DPP6: variants seen among roughly 807,000 people sequenced by gnomAD.
The protein encoded by DPP6 is A-type potassium channel modulatory protein DPP6.
DPP6 carries 69 observed loss-of-function variants against 122.6 expected under a neutral mutation model. That is an observed-to-expected ratio of 0.56 (90% CI 0.46 to 0.69). The LOEUF (loss-of-function observed/expected upper bound fraction) is 0.69. Ranked by LOEUF, DPP6 falls within the 30% of genes least tolerant of loss-of-function variation. The pLI, the probability that DPP6 is intolerant of heterozygous loss-of-function variation, is 0.00. For missense variants in DPP6, 928 were observed against 1,116.9 expected, an observed-to-expected ratio of 0.83 and a Z score of 2.41; for synonymous variants, 418 against 433.1, an observed-to-expected ratio of 0.97 and a Z score of 0.43.
chr7:154,213,020 C>G (rs1799819760), intron 1 of DPP6, among the ~76,000 whole-genome samples: 1 of 152,200 alleles, frequency 6.6e-6, no homozygotes, highest in Admixed American at 6.5e-5. Context: ...GGCAGGGAAA[C>G]AGACAAAGAC....
At chr7:154,020,994 A>T (rs1000697938) in intron 1 of DPP6, among the ~76,000 whole-genome samples, 3 of 152,130 alleles carry the variant, frequency 2.0e-5, no homozygotes, top group African/African-American at 7.2e-5. Flanking sequence ...GTCCACATGG[A>T]TGATGATGGG....
chr7:153,958,354 C>T (rs1795164022), intron 1 of DPP6, among the ~76,000 whole-genome samples: 1 of 152,090 alleles, frequency 6.6e-6, no homozygotes, highest in Admixed American at 6.5e-5. Context: ...TCATTCCCTC[C>T]ACCCGAGCAG....
At chr7:154,146,687 A>G (rs539694992) in intron 1 of DPP6, among the ~76,000 whole-genome samples, 2 of 152,280 alleles carry the variant, frequency 1.3e-5, no homozygotes, top group Non-Finnish European at 2.9e-5. Context: ...TGCATTATTC[A>G]TATAAATATG....
At chr7:154,053,235 C>CT (rs1554443426) in intron 1 of DPP6, among the ~76,000 whole-genome samples, 172 bp downstream of exon 1, 6 of 66 alleles carry the variant, frequency 0.091, no homozygotes, top group African/African-American at 0.21. Context: ...GCGGTCACCG[C>CT]GTCCCGGAGG....
intron 1 of DPP6, among the ~76,000 whole-genome samples, chr7:154,212,696 T>C (rs1229786879): frequency 6.6e-6 from 1 of 152,228 alleles, no homozygotes; most frequent in Non-Finnish European, 1.5e-5. Flanking sequence ...AAACCATCAA[T>C]TGTTGAGGAC....
At chr7:154,868,175 T>G in intron 18 of DPP6, 82 bp downstream of exon 18, 1 of 1,513,214 alleles carries the variant, frequency 6.6e-7, no homozygotes, top group South Asian at 1.3e-5. Flanking sequence ...CAGCAGCAGG[T>G]GCCCTGCAAG....
chr7:154,425,136 C>T (rs540247870), intron 1 of DPP6, among the ~76,000 whole-genome samples: 10 of 152,156 alleles, frequency 6.6e-5, no homozygotes, highest in Non-Finnish European at 1.2e-4. Context: ...CTTTTCTGCT[C>T]TCTCTGGAAA....
At chr7:154,842,359 A>C (rs781756588) in intron 16 of DPP6, among the ~76,000 whole-genome samples, 1 of 152,196 alleles carries the variant, frequency 6.6e-6, no homozygotes, top group Admixed American at 6.5e-5. Flanking sequence ...CCCTGTCTTT[A>C]TGAATTTTTT....
At chr7:153,790,449 T>C in the DPP6 span, among the ~76,000 whole-genome samples, 1 of 152,200 alleles carries the variant, frequency 6.6e-6, no homozygotes, top group Admixed American at 6.5e-5. Flanking sequence ...ATCTTTATTA[T>C]TGAATTCAAT....
At chr7:154,092,974 A>G (rs79743859) in intron 1 of DPP6, 43,241 of 151,970 alleles carry the variant, frequency 0.28, 6,406 homozygotes, top group Admixed American at 0.37. Flanking sequence ...AGCTGTGGCT[A>G]TGCTGAGCTT....
the DPP6 span, among the ~76,000 whole-genome samples, chr7:153,821,863 C>A: frequency 2.6e-5 from 4 of 151,966 alleles, no homozygotes; most frequent in South Asian, 2.1e-4. Flanking sequence ...CAGTGACAAG[C>A]TCTGTGAGAT....
At chr7:154,045,156 A>C (rs1274776690) in intron 1 of DPP6, among the ~76,000 whole-genome samples, 1 of 151,324 alleles carries the variant, frequency 6.6e-6, no homozygotes, top group Non-Finnish European at 1.5e-5. Flanking sequence ...CAAAGACTAA[A>C]TGGACTGCAT....
intron 16 of DPP6, among the ~76,000 whole-genome samples, chr7:154,850,498 GT>G (rs1205376619): frequency 6.6e-6 from 1 of 152,118 alleles, no homozygotes; most frequent in Non-Finnish European, 1.5e-5. Context: ...ACTCCCTCAC[GT>G]TCCATTTTTT....
chr7:154,495,240 C>G (rs1226604884), intron 3 of DPP6, among the ~76,000 whole-genome samples: 3 of 152,138 alleles, frequency 2.0e-5, no homozygotes, highest in African/African-American at 4.8e-5. Context: ...ACCCTCAGGG[C>G]GTTTCTGCAG....
intron 1 of DPP6, among the ~76,000 whole-genome samples, chr7:154,307,698 T>C (rs1806477354): frequency 1.3e-5 from 2 of 152,128 alleles, no homozygotes; most frequent in South Asian, 4.1e-4. Context: ...ATATATAATT[T>C]TGAAAGGTAT....
chr7:154,523,196 T>C (rs1466149911), intron 3 of DPP6, among the ~76,000 whole-genome samples: 3 of 152,204 alleles, frequency 2.0e-5, no homozygotes, highest in African/African-American at 7.2e-5. Context: ...AGGAAGACAT[T>C]ACTGTGGTCT....
intron 3 of DPP6, among the ~76,000 whole-genome samples, chr7:154,493,322 T>C (rs1208172115): frequency 6.6e-6 from 1 of 152,158 alleles, no homozygotes; most frequent in Non-Finnish European, 1.5e-5. Flanking sequence ...AGGAAAGTCA[T>C]TCTCTGCCCA....
the DPP6 span, among the ~76,000 whole-genome samples, chr7:153,766,002 T>C: frequency 6.6e-6 from 1 of 152,238 alleles, no homozygotes; most frequent in African/African-American, 2.4e-5. Context: ...CTTACAAAGC[T>C]CCCAAATGGT....
intron 8 of DPP6, among the ~76,000 whole-genome samples, chr7:154,766,758 C>G (rs540637573): frequency 6.6e-6 from 1 of 152,316 alleles, no homozygotes; most frequent in South Asian, 2.1e-4. Context: ...CCAGCCTTCA[C>G]CCACATTTTT....
Sources: gnomAD v4.1 joint callset for allele counts (sites outside exome capture counted in the v4.1 genomes callset) on GRCh38, gnomAD v4.1.1 for gene constraint, MANE v1.5 for transcripts, NCBI Gene and HGNC (gene_info 2026-07-23, HGNC 2026-07-21) for gene names.